Variants in COBL observed in about 807,000 individuals in gnomAD.
COBL encodes the protein protein cordon-bleu.
COBL carries 51 observed loss-of-function variants against 98.8 expected under a neutral mutation model. The ratio of observed to expected loss-of-function variants is 0.52; its 90% confidence interval spans 0.41 to 0.65. The LOEUF (loss-of-function observed/expected upper bound fraction) is 0.65, where lower values mean the gene tolerates loss of function less well. Among genes scored for constraint, COBL ranks in the 30% least tolerant of loss-of-function variants. The pLI, the probability that COBL is intolerant of heterozygous loss-of-function variation, is 0.00. For missense variants in COBL, 1,617 were observed against 1,617.5 expected (o/e 1.00, Z 0.01); for synonymous variants, 634 against 651.7 (o/e 0.97, Z 0.41).
intron 5 of COBL, among the ~76,000 whole-genome samples, chr7:51,164,509 G>A (rs926244210): frequency 6.6e-6 from 1 of 152,088 alleles, no homozygotes; most frequent in Admixed American, 6.6e-5. Flanking sequence ...CCCTAGAATA[G>A]TATATTCGGC....
chr7:51,078,893 C>T (rs77607846), intron 7 of COBL, among the ~76,000 whole-genome samples: 11 of 152,346 alleles, frequency 7.2e-5, no homozygotes, highest in African/African-American at 1.7e-4. Context: ...TGTGGGTCTC[C>T]GTAGAGCAGC....
intron 2 of COBL, among the ~76,000 whole-genome samples, chr7:51,203,757 C>G (rs985050712): frequency 6.6e-6 from 1 of 151,950 alleles, no homozygotes; most frequent in African/African-American, 2.4e-5. Flanking sequence ...ACGGAAAAGT[C>G]CAGGACCAAA....
At chr7:51,041,909 G>C (rs544735448) in intron 8 of COBL, among the ~76,000 whole-genome samples, 1 of 152,306 alleles carries the variant, frequency 6.6e-6, no homozygotes, top group Non-Finnish European at 1.5e-5. Context: ...AATAAAGAAA[G>C]GAATCCTGAC....
intron 2 of COBL, among the ~76,000 whole-genome samples, chr7:51,209,832 A>T (rs1397637412): frequency 2.6e-5 from 4 of 152,136 alleles, no homozygotes; most frequent in Non-Finnish European, 5.9e-5. Flanking sequence ...TCTACCCAGT[A>T]AACAGATACA....
chr7:51,131,831 A>G (rs1010589307), intron 6 of COBL, among the ~76,000 whole-genome samples: 4 of 152,170 alleles, frequency 2.6e-5, no homozygotes, highest in Non-Finnish European at 4.4e-5. Context: ...TGACCTTGTG[A>G]TCTGCCCACC....
chr7:51,146,036 G>A (rs1324359390), intron 5 of COBL, among the ~76,000 whole-genome samples: 1 of 152,086 alleles, frequency 6.6e-6, no homozygotes. Context: ...CTCTCTTAAG[G>A]AACAGTGCCT....
intron 7 of COBL, chr7:51,072,287 C>A (rs536686819): frequency 5.3e-5 from 8 of 152,186 alleles, no homozygotes; most frequent in Admixed American, 2.6e-4. Context: ...TTATCTAAAC[C>A]TTGAATTTTA....
chr7:51,197,620 T>G (rs1790718403), intron 2 of COBL, among the ~76,000 whole-genome samples: 1 of 152,174 alleles, frequency 6.6e-6, no homozygotes, highest in Non-Finnish European at 1.5e-5. Context: ...GGTGTTAAAG[T>G]CTCCCACTAT....
intron 2 of COBL, among the ~76,000 whole-genome samples, chr7:51,203,233 C>T (rs369352253): frequency 8.6e-6 from 1 of 116,562 alleles, no homozygotes; most frequent in South Asian, 3.3e-4. Context: ...GAGGCCGAGG[C>T]GGGCGGATCA....
At chr7:51,215,405 A>G (rs1792934628) in intron 2 of COBL, among the ~76,000 whole-genome samples, 1 of 152,214 alleles carries the variant, frequency 6.6e-6, no homozygotes, top group Non-Finnish European at 1.5e-5. Flanking sequence ...GATTAAGCCC[A>G]CACAAATAAA....
In COBL at chr7:51,018,816, C is replaced by T. The variant is rs1258412423; in HGVS notation, c.3769-1248G>A. On this transcript the variant is annotated intron_variant, in intron 12 of 12. Transcript: ENST00000265136. ...CTGAGGCAAGAGAATAGCTTGAACCCGGGAGGTAGAGGTTGCATGAGCTGA... is the reference window on the plus strand; with the variant it reads ...CTGAGGCAAGAGAATAGCTTGAACCTGGGAGGTAGAGGTTGCATGAGCTGA... Among the ~76,000 whole-genome samples the T allele has an allele frequency of 5.5e-5, 8 of 146,242 alleles. 1 individual carries two copies. In the East Asian group the frequency reaches 1.6e-3, roughly 30 times the overall value.
In COBL at chr7:51,029,052, C is replaced by A; in HGVS notation, c.2044G>T (p.Ala682Ser). The A allele has an allele frequency of 6.2e-7, 1 of 1,614,190 alleles. No homozygotes were observed. Among genetic ancestry groups the A allele is most frequent in the South Asian group, 1.1e-5 (1 of 91,082 alleles). Reference protein sequence around the residue: ...NEKDSNDKNAALAPTSWHQRG... With the variant: ...NEKDSNDKNASLAPTSWHQRG... ...TGGTGCCATGATGTTGGTGCCAAGG[C>A]AGCGTTTTTATCGTTGCTGTCCTTT... Residue 682 changes from alanine to serine, a missense_variant, in exon 10 of 13, where the codon GCC becomes TCC. Physicochemically the swap from Ala to Ser is moderately conservative, Grantham distance 99. This residue lies in a region of COBL where 1,304 missense variants were observed against 1,282.0 expected (regional missense o/e 1.02). Transcript: ENST00000265136.
intron 1 of COBL, among the ~76,000 whole-genome samples, chr7:51,257,042 T>C (rs1797255176): frequency 6.6e-6 from 1 of 152,116 alleles, no homozygotes; most frequent in African/African-American, 2.4e-5. Context: ...GTCACATATA[T>C]TGTTGCATAG....
intron 7 of COBL, among the ~76,000 whole-genome samples, chr7:51,084,443 G>T (rs1211266472): frequency 1.3e-5 from 2 of 152,096 alleles, no homozygotes; most frequent in Non-Finnish European, 2.9e-5. Flanking sequence ...CCACTCCATG[G>T]AAGAGCCATT....
chr7:51,293,388 A>T (rs1801093966), intron 1 of COBL, among the ~76,000 whole-genome samples: 1 of 152,246 alleles, frequency 6.6e-6, no homozygotes, highest in Non-Finnish European at 1.5e-5. Context: ...AATTGTTGTA[A>T]ATTAATGATG....
At position 51,049,831 on chromosome 7, in the gene COBL, AG is replaced by A. The variant is rs895699649; in HGVS notation, c.1097-6140del. On this transcript the variant is annotated intron_variant, in intron 7 of 12. Transcript: ENST00000265136. ...AATGTTCAGGAGGCACGGTTTGGAG[AG>A]GCTGGGTTTAGGATTCGCCTTTGAG... Among the ~76,000 whole-genome samples the A allele has an allele frequency of 5.9e-5, 9 of 152,164 alleles. 1 individual carries two copies. Among genetic ancestry groups the A allele is most frequent in the African/African-American group, 2.2e-4 (9 of 41,428 alleles).
In COBL at chr7:51,201,652, G is replaced by A. The variant is rs142028861; in HGVS notation, c.246-8063C>T. On this transcript the variant is annotated intron_variant, in intron 2 of 12. Transcript: ENST00000265136. Reference sequence around the variant, plus strand: ...ATATAATGTCCATCTAATATCAGAAGAATACAGATTCTTCTCAAGAGCATG... The same window carrying A: ...ATATAATGTCCATCTAATATCAGAAAAATACAGATTCTTCTCAAGAGCATG... 2.0e-3 allele frequency among the ~76,000 whole-genome samples: 300 copies of A among 152,236 alleles called. 2 individuals are homozygous for A. Among genetic ancestry groups the A allele is most frequent in the African/African-American group, 7.1e-3 (294 of 41,554 alleles).
At chr7:51,285,808 T>C (rs1800303946) in intron 1 of COBL, among the ~76,000 whole-genome samples, 1 of 152,108 alleles carries the variant, frequency 6.6e-6, no homozygotes, top group African/African-American at 2.4e-5. Context: ...AATAAGAATG[T>C]TGGAGGAATC....
At chr7:51,209,114 G>A (rs1005935469) in intron 2 of COBL, among the ~76,000 whole-genome samples, 2 of 147,476 alleles carry the variant, frequency 1.4e-5, no homozygotes, top group Non-Finnish European at 3.0e-5. Context: ...AGAGGCACTC[G>A]TTCATTCCTC....
Sources: gnomAD v4.1 joint callset for allele counts (sites outside exome capture counted in the v4.1 genomes callset) on GRCh38, gnomAD v4.1.1 for gene constraint, gnomAD v4.1.1 regional missense constraint, MANE v1.5 for transcripts, NCBI Gene and HGNC (gene_info 2026-07-23, HGNC 2026-07-21) for gene names.